GRIK3: variants seen among roughly 807,000 people sequenced by gnomAD.
The protein encoded by GRIK3 is glutamate ionotropic receptor kainate type subunit 3, also known as glutamate receptor ionotropic, kainate 3.
GRIK3 carries 29 observed loss-of-function variants against 102.5 expected under a neutral mutation model. The observed-to-expected ratio is 0.28, with a 90% CI of 0.21 to 0.39. GRIK3 has a LOEUF of 0.39. Ranked by LOEUF, GRIK3 falls within the 10% of genes least tolerant of loss-of-function variation. The pLI, the probability that GRIK3 is intolerant of heterozygous loss-of-function variation, is 1.00. For synonymous variants in GRIK3, 511 were observed against 504.9 expected (o/e 1.01, Z -0.16); for missense variants, 908 against 1,252.4 (o/e 0.73, Z 4.15).
chr1:36,995,508 C>G (rs193126089), intron 1 of GRIK3, among the ~76,000 whole-genome samples: 1 of 152,330 alleles, frequency 6.6e-6, no homozygotes, highest in African/African-American at 2.4e-5. Context: ...GGCTCAATGT[C>G]TCAGCATTTG....
intron 1 of GRIK3, among the ~76,000 whole-genome samples, chr1:37,029,473 CA>C (rs1421487279): frequency 6.6e-6 from 1 of 152,212 alleles, no homozygotes; most frequent in African/African-American, 2.4e-5. Context: ...AAGGAAGAGA[CA>C]GGGGCAGCTG....
chr1:37,026,997 G>C (rs1359132166), intron 1 of GRIK3, among the ~76,000 whole-genome samples: 1 of 152,078 alleles, frequency 6.6e-6, no homozygotes, highest in Admixed American at 6.5e-5. Flanking sequence ...GAGATGGCCT[G>C]AGACACCCTT....
intron 1 of GRIK3, among the ~76,000 whole-genome samples, chr1:37,017,387 A>G (rs1456305425): frequency 6.6e-6 from 1 of 150,912 alleles, no homozygotes; most frequent in Non-Finnish European, 1.5e-5. Flanking sequence ...AAAAAAAAAA[A>G]AAAAAAAAGA....
intron 1 of GRIK3, among the ~76,000 whole-genome samples, chr1:36,898,535 G>A (rs1641198704): frequency 6.6e-6 from 1 of 152,094 alleles, no homozygotes; most frequent in Non-Finnish European, 1.5e-5. Context: ...AATTAAATAA[G>A]ACATCAATAA....
At chr1:36,963,723 C>T (rs973670824) in intron 1 of GRIK3, among the ~76,000 whole-genome samples, 1 of 152,144 alleles carries the variant, frequency 6.6e-6, no homozygotes, top group African/African-American at 2.4e-5. Flanking sequence ...TCTGAAGGCC[C>T]AGCTTCCTTT....
rs183199194 is a variant in GRIK3 at position 36,987,294 on chromosome 1, C to G, written c.115+46700G>C. 5.4e-4 allele frequency among the ~76,000 whole-genome samples: 81 copies of G among 149,636 alleles called. 1 individual carries two copies. The Middle Eastern group carries it at 0.01, about 19-fold the overall frequency. ...GCTCAGCAGAGCTCCCCTGGCAGCA[C>G]TGAGGTTCGATTCCATGTCTGCTCA... On this transcript the variant is annotated intron_variant, in intron 1 of 15. Transcript: ENST00000373091.
chr1:36,924,596 C>T (rs1318467515), intron 1 of GRIK3, among the ~76,000 whole-genome samples: 1 of 152,122 alleles, frequency 6.6e-6, no homozygotes, highest in East Asian at 1.9e-4. Flanking sequence ...CCAGAGCCTC[C>T]TAATGCCTCC....
intron 1 of GRIK3, among the ~76,000 whole-genome samples, chr1:36,925,462 G>A (rs904146943): frequency 3.3e-5 from 5 of 152,254 alleles, no homozygotes; most frequent in Non-Finnish European, 7.3e-5. Context: ...GGTTGATGTT[G>A]ATAACAGCAT....
chr1:37,000,932 G>A (rs974897448), intron 1 of GRIK3, among the ~76,000 whole-genome samples: 12 of 152,192 alleles, frequency 7.9e-5, no homozygotes, highest in African/African-American at 2.7e-4. Context: ...GGCAAATACC[G>A]AAGCATTGCA....
At chr1:36,921,259 C>T (rs994429722) in intron 1 of GRIK3, among the ~76,000 whole-genome samples, 2 of 152,214 alleles carry the variant, frequency 1.3e-5, no homozygotes, top group African/African-American at 4.8e-5. Flanking sequence ...GGTGGAGAGG[C>T]CAACCAAGTA....
At chr1:36,922,369 T>A (rs1641483125) in intron 1 of GRIK3, among the ~76,000 whole-genome samples, 1 of 152,126 alleles carries the variant, frequency 6.6e-6, no homozygotes, top group African/African-American at 2.4e-5. Flanking sequence ...TTAAGCAGCA[T>A]CCCCAAGCTC....
At chr1:36,897,864 C>A (rs1362735915) in intron 1 of GRIK3, among the ~76,000 whole-genome samples, 1 of 152,130 alleles carries the variant, frequency 6.6e-6, no homozygotes, top group Non-Finnish European at 1.5e-5. Flanking sequence ...CAGCACTGTT[C>A]ACAATAACCA....
chr1:36,955,576 TACAA>T (rs1641896958), intron 1 of GRIK3, among the ~76,000 whole-genome samples: 2 of 151,800 alleles, frequency 1.3e-5, no homozygotes, highest in Non-Finnish European at 2.9e-5. Flanking sequence ...CCCTGCTCCA[TACAA>T]ACACAGGGCA....
At chr1:36,951,988 G>C (rs1439419885) in intron 1 of GRIK3, among the ~76,000 whole-genome samples, 1 of 152,164 alleles carries the variant, frequency 6.6e-6, no homozygotes, top group African/African-American at 2.4e-5. Flanking sequence ...GAAGGGAAAT[G>C]AATGTTCCTG....
At position 36,969,359 on chromosome 1, in the gene GRIK3, G is replaced by A. The variant is rs1201048676; in HGVS notation, c.115+64635C>T. On this transcript the variant is annotated intron_variant, in intron 1 of 15. Coordinates refer to ENST00000373091, the MANE Select transcript of GRIK3 (RefSeq NM_000831.4). Reference sequence around the variant, plus strand: ...GGAGACGGGGCCCATATTCAAATCTGCCACCTGGGAGCAGAGTTAGATTTG... The same window carrying A: ...GGAGACGGGGCCCATATTCAAATCTACCACCTGGGAGCAGAGTTAGATTTG... Among the ~76,000 whole-genome samples, 4 of 152,180 alleles carry A rather than the reference G, an allele frequency of 2.6e-5. No individual in the cohort carries two copies. The East Asian group carries it at 5.8e-4, about 22-fold the overall frequency.
intron 3 of GRIK3, among the ~76,000 whole-genome samples, chr1:36,878,461 C>T (rs760554535): frequency 6.6e-6 from 1 of 152,224 alleles, no homozygotes; most frequent in Non-Finnish European, 1.5e-5. Context: ...CCTACTATTT[C>T]CAGTCCCCAT....
intron 1 of GRIK3, among the ~76,000 whole-genome samples, chr1:36,910,468 C>A (rs184856360): frequency 6.6e-6 from 1 of 152,352 alleles, no homozygotes; most frequent in East Asian, 1.9e-4. Flanking sequence ...AAGATCCAGG[C>A]TCTGCTCTCT....
At chr1:36,856,011 C>G (rs1255059960) in intron 7 of GRIK3, among the ~76,000 whole-genome samples, 1 of 152,208 alleles carries the variant, frequency 6.6e-6, no homozygotes, top group Admixed American at 6.5e-5. Flanking sequence ...GGTCGAGGCA[C>G]CTAAGGTGGA....
intron 1 of GRIK3, among the ~76,000 whole-genome samples, chr1:36,919,828 G>A (rs1396295884): frequency 1.3e-5 from 2 of 152,224 alleles, no homozygotes; most frequent in African/African-American, 4.8e-5. Context: ...TGGCCCCTGG[G>A]CCCTACCCGT....
Sources: allele counts gnomAD v4.1 joint callset (sites outside exome capture counted in the v4.1 genomes callset), GRCh38; gene constraint gnomAD v4.1.1; transcripts MANE v1.5; gene names NCBI Gene and HGNC (gene_info 2026-07-23, HGNC 2026-07-21).